ZNF678: variants seen among roughly 807,000 people sequenced by gnomAD.
ZNF678 encodes hypothetical protein MGC42493.
ZNF678 carries 5 observed loss-of-function variants against 3.0 expected under a neutral mutation model. The observed-to-expected ratio is 1.69, with a 90% CI of 0.88 to 3.56. The LOEUF (loss-of-function observed/expected upper bound fraction) is 3.56, where lower values mean the gene tolerates loss of function less well. ZNF678 is among the 30% of genes most tolerant of loss of function. The pLI, the probability that ZNF678 is intolerant of heterozygous loss-of-function variation, is 0.00. For synonymous variants in ZNF678, 218 were observed against 199.6 expected (o/e 1.09, Z -0.78); for missense variants, 593 against 605.0 (o/e 0.98, Z 0.21).
chr1:227,616,515 C>A (rs1219201912), intron 1 of ZNF678, among the ~76,000 whole-genome samples: 1 of 152,164 alleles, frequency 6.6e-6, no homozygotes, highest in Non-Finnish European at 1.5e-5. Context: ...CTTTTGAGGC[C>A]TTCTACCTCA....
chr1:227,625,282 C>T (rs1658382197), intron 1 of ZNF678, among the ~76,000 whole-genome samples: 1 of 152,138 alleles, frequency 6.6e-6, no homozygotes. Context: ...CTCAGTACCC[C>T]CTCTCAACAG....
At chr1:227,662,804 G>C (rs1001250653), downstream of ZNF678, among the ~76,000 whole-genome samples, 4 of 152,116 alleles carry the variant, frequency 2.6e-5, no homozygotes, top group Admixed American at 2.0e-4. Flanking sequence ...AAAGTAATCT[G>C]GCTATACCTA....
At chr1:227,652,506 T>C (rs1025927996) in intron 3 of ZNF678, among the ~76,000 whole-genome samples, 1 of 152,172 alleles carries the variant, frequency 6.6e-6, no homozygotes, top group Non-Finnish European at 1.5e-5. Flanking sequence ...ATTGGATTCT[T>C]GTAGCCATTG....
downstream of ZNF678, among the ~76,000 whole-genome samples, chr1:227,663,730 TG>T (rs1659455015): frequency 6.6e-6 from 1 of 152,320 alleles, no homozygotes; most frequent in Admixed American, 6.5e-5. Flanking sequence ...CCTAACCATT[TG>T]CCATTTAGGA....
At chr1:227,647,772 A>G (rs1268293149) in intron 2 of ZNF678, among the ~76,000 whole-genome samples, 1 of 152,124 alleles carries the variant, frequency 6.6e-6, no homozygotes, top group Non-Finnish European at 1.5e-5. Context: ...TTTATAAGGC[A>G]CTATATAATC....
At chr1:227,563,745 G>C in intron 1 of ZNF678, 21 bp downstream of exon 1, 1 of 1,313,296 alleles carries the variant, frequency 7.6e-7, no homozygotes, top group Non-Finnish European at 1.0e-6. Context: ...CCGGGAGGGT[G>C]TTCCAAGATG....
Position 227,662,265 on chromosome 1 carries a change from T to G in ZNF678, c.*6437T>G, listed in dbSNP as rs1163924181. On this transcript the variant is annotated 3_prime_UTR_variant, in exon 4 of 4. Coordinates refer to ENST00000343776, the MANE Select transcript of ZNF678 (RefSeq NM_001367909.1). ...ATGAGAAAACACAGGCTTTTGCACATCCAATGTCTCCTTAAAGCATGTGGT... is the reference window on the plus strand; with the variant it reads ...ATGAGAAAACACAGGCTTTTGCACAGCCAATGTCTCCTTAAAGCATGTGGT... 2 of 152,294 alleles carry G rather than the reference T, an allele frequency of 1.3e-5. No homozygotes were observed. The highest frequency in any genetic ancestry group is 3.9e-4 in the East Asian group (2 of 5,184). 9.4% of individuals were successfully genotyped at this position (152,294 alleles called of 1,614,324 possible).
intron 1 of ZNF678, among the ~76,000 whole-genome samples, chr1:227,607,113 A>G (rs1272561411): frequency 2.0e-5 from 3 of 152,222 alleles, no homozygotes; most frequent in Admixed American, 1.3e-4. Context: ...TCTATACATG[A>G]TGATTTTTAA....
chr1:227,589,226 G>A (rs1657344342), intron 1 of ZNF678, among the ~76,000 whole-genome samples: 1 of 151,670 alleles, frequency 6.6e-6, no homozygotes, highest in Non-Finnish European at 1.5e-5. Context: ...GTGCCTATGT[G>A]CTGAATGGTA....
chr1:227,589,473 G>A (rs1249871462), intron 1 of ZNF678, among the ~76,000 whole-genome samples: 2 of 151,644 alleles, frequency 1.3e-5, no homozygotes, highest in African/African-American at 2.4e-5. Flanking sequence ...ACGAGCTGCA[G>A]ACAAAACTCC....
rs17492440 is a variant in ZNF678, at chr1:227,564,648, G to A, written c.-164+924G>A. ...CTGTCAGCTATTTGTCTTTTATTGCGTACTCCAGGCACAATATTTTAATTA... is the reference window on the plus strand; with the variant it reads ...CTGTCAGCTATTTGTCTTTTATTGCATACTCCAGGCACAATATTTTAATTA... On this transcript the variant is annotated intron_variant, in intron 1 of 3. Transcript: ENST00000343776. Among the ~76,000 whole-genome samples the A allele has an allele frequency of 4.6e-3, 697 of 152,242 alleles. 18 individuals are homozygous for A. In the South Asian group the frequency reaches 0.057, roughly 12 times the overall value.
intron 1 of ZNF678, among the ~76,000 whole-genome samples, chr1:227,616,369 C>T (rs752441418): frequency 6.6e-6 from 1 of 152,228 alleles, no homozygotes. Context: ...TCCGCAGGTG[C>T]TGGCCCATTC....
At chr1:227,664,440 CAT>C (rs1043680940), downstream of ZNF678, among the ~76,000 whole-genome samples, 3 of 152,124 alleles carry the variant, frequency 2.0e-5, no homozygotes, top group East Asian at 1.9e-4. Flanking sequence ...GTCAGAAAGA[CAT>C]GTGAGCCTTA....
At chr1:227,614,310 G>A (rs1658092027) in intron 1 of ZNF678, among the ~76,000 whole-genome samples, 1 of 152,146 alleles carries the variant, frequency 6.6e-6, no homozygotes, top group South Asian at 2.1e-4. Flanking sequence ...ACAATTAATA[G>A]CAGGATACCT....
intron 1 of ZNF678, among the ~76,000 whole-genome samples, chr1:227,583,352 C>CTT (rs796974595): frequency 4.7e-4 from 62 of 131,896 alleles, no homozygotes; most frequent in Non-Finnish European, 5.9e-4. Flanking sequence ...TTTCTTTTTT[C>CTT]TTTTTTTTTT....
chr1:227,591,688 G>A (rs912704236), intron 1 of ZNF678, among the ~76,000 whole-genome samples: 4 of 152,248 alleles, frequency 2.6e-5, no homozygotes, highest in Admixed American at 2.6e-4. Flanking sequence ...ACACACATCA[G>A]GTTGGTCATT....
chr1:227,624,918 G>A (rs570283373), intron 1 of ZNF678, among the ~76,000 whole-genome samples: 1 of 152,276 alleles, frequency 6.6e-6, no homozygotes, highest in East Asian at 1.9e-4. Context: ...AGCTCAGCTC[G>A]AGCCGCAACA....
intron 1 of ZNF678, chr1:227,598,603 G>A: frequency 3.3e-6 from 2 of 611,888 alleles, no homozygotes; most frequent in Non-Finnish European, 5.6e-6. Context: ...GATGATAAAG[G>A]TTTATCTTAA....
At position 227,654,859 on chromosome 1, in the gene ZNF678, T is replaced by C. The variant is rs1448832125; in HGVS notation, c.609T>C (p.His203=). ...AACTAACTAGCCATAAGAAAATTCATAGTGGAGAGAAACCATACCCATGTG... is the reference window on the plus strand; with the variant it reads ...AACTAACTAGCCATAAGAAAATTCACAGTGGAGAGAAACCATACCCATGTG... The part of the protein sequence containing the change: ...WSQLTSHKKI[H]SGEKPYPCEE... Residue 203 remains histidine, a synonymous_variant, in exon 4 of 4, where the codon CAT becomes CAC. Transcript: ENST00000343776. The C allele has an allele frequency of 6.2e-6, 10 of 1,608,880 alleles. No homozygotes were observed. The South Asian group carries it at 8.8e-5, about 14-fold the overall frequency.
Sources: gnomAD v4.1 joint callset for allele counts (sites outside exome capture counted in the v4.1 genomes callset) on GRCh38, gnomAD v4.1.1 for gene constraint, MANE v1.5 for transcripts, NCBI Gene and HGNC (gene_info 2026-07-23, HGNC 2026-07-21) for gene names.